Variants in PHKA1 observed in about 807,000 individuals in gnomAD.
The protein encoded by PHKA1 is phosphorylase b kinase regulatory subunit alpha, skeletal muscle isoform.
PHKA1 carries 60 observed loss-of-function variants against 110.2 expected under a neutral mutation model. The observed-to-expected ratio is 0.54, with a 90% CI of 0.44 to 0.68. The LOEUF (loss-of-function observed/expected upper bound fraction) is 0.68, where lower values mean the gene tolerates loss of function less well. PHKA1 is among the 30% of genes least tolerant of loss of function. The pLI is 0.00. For synonymous variants in PHKA1, 316 were observed against 333.6 expected, an observed-to-expected ratio of 0.95 and a Z score of 0.58; for missense variants, 801 against 942.5, an observed-to-expected ratio of 0.85 and a Z score of 1.97.
intron 3 of PHKA1, among the ~76,000 whole-genome samples, chrX:72,700,630 A>C (rs1181096734): frequency 8.9e-6 from 1 of 111,775 alleles, no homozygotes; most frequent in Non-Finnish European, 1.9e-5. Flanking sequence ...TTTCTTTGTC[A>C]ATTATGTCTT....
Position 72,618,698 on chromosome X carries a change from T to C in PHKA1, c.2369+12A>G, listed in dbSNP as rs1556272547. 3 of 1,167,905 alleles carry C rather than the reference T, an allele frequency of 2.6e-6. No individual in the cohort carries two copies. The Admixed American group carries it at 6.5e-5, about 25-fold the overall frequency. Reference sequence around the variant, plus strand: ...TGAACATTAAACTAGATTGATAATATCCACCACTTACTTCATAGTATACAG... The same window carrying C: ...TGAACATTAAACTAGATTGATAATACCCACCACTTACTTCATAGTATACAG... On this transcript the variant is annotated intron_variant, in intron 21 of 31. Transcript: ENST00000373542.
At position 72,581,104 on chromosome X, in the gene PHKA1, G is replaced by A. The variant is rs1033726905; in HGVS notation, c.3570C>T (p.Asp1190=). 6.5e-5 allele frequency: 78 copies of A among 1,194,471 alleles called. 1 individual carries two copies. Among genetic ancestry groups the A allele is most frequent in the Non-Finnish European group, 8.6e-5 (76 of 881,113 alleles). ...TGCCAAACCTGCCACTGGGTGCACT[G>A]TCATACAGAAGAGTACAGATGCCAG... is the stretch of plus-strand genomic sequence containing the variant. ...PASGICTLLY[D]SAPSGRFGTM... is the part of the protein sequence containing the mutation. Residue 1190 remains aspartate, a synonymous_variant, in exon 32 of 32, where the codon GAC becomes GAT. Transcript: ENST00000373542.
At chrX:72,683,768 T>G (rs928200182) in intron 5 of PHKA1, among the ~76,000 whole-genome samples, 8 of 112,447 alleles carry the variant, frequency 7.1e-5, no homozygotes, top group Non-Finnish European at 1.3e-4. Context: ...ATAATGCCTT[T>G]GAGATTCACC....
intron 14 of PHKA1, among the ~76,000 whole-genome samples, chrX:72,641,163 A>G (rs2053291558): frequency 8.9e-6 from 1 of 111,783 alleles, no homozygotes; most frequent in Non-Finnish European, 1.9e-5. Flanking sequence ...GTAGTAAAAA[A>G]GAAAGGTATA....
intron 22 of PHKA1, among the ~76,000 whole-genome samples, chrX:72,609,932 G>A: frequency 9.0e-6 from 1 of 110,733 alleles, no homozygotes; most frequent in South Asian, 3.8e-4. Flanking sequence ...GTTGGTTTAT[G>A]GGGTTTTTTT....
chrX:72,669,347 C>CTTT (rs201527791), intron 6 of PHKA1, among the ~76,000 whole-genome samples: 4 of 109,587 alleles, frequency 3.7e-5, no homozygotes, highest in Admixed American at 9.8e-5. Context: ...AGCTGTTTTT[C>CTTT]TTTTTTTTTG....
rs151257121 is a variant in PHKA1 at position 72,683,254 on chromosome X, A to G, written c.537+1244T>C. Among the ~76,000 whole-genome samples the G allele has an allele frequency of 6.7e-3, 749 of 111,739 alleles. 7 individuals are homozygous for G. The highest frequency in any genetic ancestry group is 0.022 in the African/African-American group (683 of 30,710). On this transcript the variant is annotated intron_variant, in intron 5 of 31. Transcript: ENST00000373542. ...GGAGTTTGAGACCTGCCTGGGCAAC[A>G]TAGCGAAACCTCGTCTCTATAAAAA...
intron 13 of PHKA1, among the ~76,000 whole-genome samples, chrX:72,646,463 C>T (rs1262191809): frequency 1.8e-5 from 2 of 111,676 alleles, no homozygotes; most frequent in Non-Finnish European, 3.8e-5. Context: ...ATAGAGTCCT[C>T]CTAGAGGCCT....
At chrX:72,678,132 A>G (rs1222639724) in intron 5 of PHKA1, among the ~76,000 whole-genome samples, 1 of 111,390 alleles carries the variant, frequency 9.0e-6, no homozygotes, top group Admixed American at 9.5e-5. Flanking sequence ...ATCTTATCTC[A>G]TATTTTCCCC....
chrX:72,696,564 C>A (rs1051379641), intron 3 of PHKA1, among the ~76,000 whole-genome samples: 6 of 111,345 alleles, frequency 5.4e-5, no homozygotes, highest in Admixed American at 3.8e-4. Flanking sequence ...ACCTGGAAGC[C>A]CCCAGTTGTG....
At chrX:72,593,526 A>G in intron 28 of PHKA1, 1 of 307,238 alleles carries the variant, frequency 3.3e-6, no homozygotes, top group African/African-American at 2.7e-5. Flanking sequence ...TATTTTTAGT[A>G]GAGACGGGGT....
chrX:72,616,078 T>C (rs2052892615), intron 21 of PHKA1, among the ~76,000 whole-genome samples: 1 of 111,336 alleles, frequency 9.0e-6, no homozygotes, highest in Non-Finnish European at 1.9e-5. Context: ...AAAACAGACT[T>C]TCAGGGCCAG....
intron 22 of PHKA1, among the ~76,000 whole-genome samples, chrX:72,610,620 T>C (rs1465833357): frequency 3.6e-5 from 4 of 111,591 alleles, no homozygotes; most frequent in Non-Finnish European, 7.5e-5. Flanking sequence ...TGATTTCCTT[T>C]CTTTTTGATA....
rs782460017 is a variant in PHKA1, at chrX:72,712,816, C to G, written c.200G>C (p.Arg67Pro). ...LGLAYRKNAD[R>P]DEDKAKAYEL... ...ATAGGCCTTTGCCTTATCCTCATCCCGGTCTGCATTCTTCCGATAGGCCAG... is the reference window on the plus strand; with the variant it reads ...ATAGGCCTTTGCCTTATCCTCATCCGGGTCTGCATTCTTCCGATAGGCCAG... Residue 67 changes from arginine (R) to proline (P), a missense_variant, in exon 2 of 32, where the codon CGG (arginine) becomes CCG (proline). By Grantham distance (103) the Arg-to-Pro change is moderately radical. Around this residue, in one of 2 missense-constraint regions of PHKA1, gnomAD observed 299 missense variants for 423.3 expected, o/e 0.71. Coordinates refer to ENST00000373542, the MANE Select transcript of PHKA1 (RefSeq NM_002637.4). 10 of 1,207,908 alleles carry G rather than the reference C, an allele frequency of 8.3e-6. No individual in the cohort carries two copies. The highest frequency in any genetic ancestry group is 1.8e-5 in the African/African-American group (1 of 56,938).
At chrX:72,652,142 A>G (rs1012891288) in intron 12 of PHKA1, among the ~76,000 whole-genome samples, 1 of 112,374 alleles carries the variant, frequency 8.9e-6, no homozygotes, top group African/African-American at 3.2e-5. Flanking sequence ...GCACCTAAAA[A>G]TATCAGTTAA....
intron 6 of PHKA1, among the ~76,000 whole-genome samples, chrX:72,672,943 T>TA (rs2053725678): frequency 8.9e-6 from 1 of 111,846 alleles, no homozygotes; most frequent in South Asian, 3.7e-4. Context: ...TTCTGTAAAA[T>TA]AACTGGCCTA....
intron 17 of PHKA1, among the ~76,000 whole-genome samples, chrX:72,625,909 G>T (rs1211959983): frequency 1.8e-5 from 2 of 111,173 alleles, no homozygotes; most frequent in African/African-American, 6.6e-5. Context: ...CAAGTGATCT[G>T]CCCCCCTTGG....
At chrX:72,640,040 T>C (rs1056011927) in intron 14 of PHKA1, among the ~76,000 whole-genome samples, 12 of 111,867 alleles carry the variant, frequency 1.1e-4, no homozygotes, top group Non-Finnish European at 1.9e-4. Context: ...ATTAATATTA[T>C]AGCCTAAGAC....
chrX:72,582,605 T>A lies in PHKA1; in HGVS notation c.3298-7A>T, dbSNP rs1556204593. Reference sequence around the variant, plus strand: ...TAATCTCACCTGGAGTCATCTGTGATAGAGAAAAAGAAAATCACTTCCTAA... The same window carrying A: ...TAATCTCACCTGGAGTCATCTGTGAAAGAGAAAAAGAAAATCACTTCCTAA... On this transcript the variant is annotated splice_region_variant and splice_polypyrimidine_tract_variant and intron_variant, in intron 30 of 31. Coordinates refer to ENST00000373542, the MANE Select transcript of PHKA1 (RefSeq NM_002637.4). The A allele has an allele frequency of 2.6e-6, 3 of 1,134,799 alleles. No individual in the cohort carries two copies. The South Asian group carries it at 5.5e-5, about 21-fold the overall frequency. The allele number at this position is 1,134,799 out of a possible 1,213,427, so 93.5% of individuals were successfully genotyped here.
Sources: allele counts gnomAD v4.1 joint callset (sites outside exome capture counted in the v4.1 genomes callset), GRCh38; gene constraint gnomAD v4.1.1; regional missense constraint gnomAD v4.1.1; transcripts MANE v1.5; gene names NCBI Gene and HGNC (gene_info 2026-07-23, HGNC 2026-07-21).